The following TMC1 variants were observed in gnomAD, a reference collection of about 807,000 sequenced individuals.
TMC1 encodes transmembrane channel-like protein 1.
TMC1 carries 84 observed loss-of-function variants against 105.8 expected under a neutral mutation model. The observed-to-expected ratio is 0.79, with a 90% CI of 0.67 to 0.95. The LOEUF (loss-of-function observed/expected upper bound fraction) is 0.95. Among genes scored for constraint, TMC1 ranks in the 40% least tolerant of loss-of-function variants. The pLI is 0.00. For synonymous variants in TMC1, 315 were observed against 311.5 expected, an observed-to-expected ratio of 1.01 and a Z score of -0.12; for missense variants, 817 against 914.1, an observed-to-expected ratio of 0.89 and a Z score of 1.37.
At chr9:72,689,494 T>C (rs62560382) in intron 6 of TMC1, among the ~76,000 whole-genome samples, 1,876 of 152,114 alleles carry the variant, frequency 0.012, 14 homozygotes, top group South Asian at 0.024. Context: ...TGTTTCCTTA[T>C]TGATTTTCTG....
intron 8 of TMC1, among the ~76,000 whole-genome samples, chr9:72,723,015 G>A (rs946111051): frequency 1.2e-4 from 19 of 152,036 alleles, no homozygotes; most frequent in Non-Finnish European, 2.1e-4. Context: ...TGAAAGCAGA[G>A]GTTAAAGTAA....
chr9:72,628,753 T>C (rs1825397044), intron 4 of TMC1, among the ~76,000 whole-genome samples: 1 of 152,218 alleles, frequency 6.6e-6, no homozygotes, highest in Non-Finnish European at 1.5e-5. Context: ...ACCAGATAAT[T>C]GGATCATGTG....
chr9:72,836,077 C>T lies in TMC1; in HGVS notation c.*104C>T. 7.6e-7 allele frequency: 1 copy of T among 1,313,522 alleles called. No individual in the cohort carries two copies. The highest frequency in any genetic ancestry group is 1.2e-5 in the South Asian group (1 of 85,232). 81.4% of individuals were successfully genotyped at this position (1,313,522 alleles called of 1,614,324 possible). ...CAAGCACTGTGGAACTGCTATTTTCCTGTTCTACCCTTGATGGATTTTCAA... is the reference window on the plus strand; with the variant it reads ...CAAGCACTGTGGAACTGCTATTTTCTTGTTCTACCCTTGATGGATTTTCAA... On this transcript the variant is annotated 3_prime_UTR_variant, in exon 24 of 24. Coordinates refer to ENST00000297784, the MANE Select transcript of TMC1 (RefSeq NM_138691.3).
chr9:72,754,074 T>A (rs1827631451), intron 11 of TMC1, among the ~76,000 whole-genome samples: 1 of 152,118 alleles, frequency 6.6e-6, no homozygotes, highest in African/African-American at 2.4e-5. Context: ...GAAGTTTCCA[T>A]CTCACAGAAG....
chr9:72,831,473 A>G (rs1829039852), intron 23 of TMC1, among the ~76,000 whole-genome samples: 1 of 152,042 alleles, frequency 6.6e-6, no homozygotes, highest in African/African-American at 2.4e-5. Context: ...GTTCTAGGGT[A>G]CATGTGCACA....
intron 15 of TMC1, among the ~76,000 whole-genome samples, chr9:72,789,526 G>A (rs1828229524): frequency 6.6e-6 from 1 of 152,022 alleles, no homozygotes; most frequent in African/African-American, 2.4e-5. Flanking sequence ...GTGACATGAT[G>A]GAAAGTTAGA....
intron 12 of TMC1, among the ~76,000 whole-genome samples, chr9:72,755,605 G>C (rs1588067741): frequency 6.6e-6 from 1 of 152,166 alleles, no homozygotes; most frequent in Admixed American, 6.5e-5. Context: ...TCAAGTCTTC[G>C]ACAACAATGT....
chr9:72,549,606 CTAT>C (rs1253078819), intron 1 of TMC1, among the ~76,000 whole-genome samples: 3 of 118,586 alleles, frequency 2.5e-5, no homozygotes, highest in African/African-American at 3.7e-5. Context: ...CCACATCTGG[CTAT>C]TTTTTTTTTT....
At chr9:72,729,579 TA>T (rs1279257262) in intron 8 of TMC1, among the ~76,000 whole-genome samples, 2 of 152,128 alleles carry the variant, frequency 1.3e-5, no homozygotes, top group Non-Finnish European at 2.9e-5. Flanking sequence ...TATAATATAG[TA>T]GCTTTTTAGC....
chr9:72,754,898 C>CCAATACACTTGTGTGGAG lies in TMC1; in HGVS notation c.741+14_741+15insCAATACACTTGTGTGGAG. ...TACGACTTCAATGTAAGTGTCTCCA[C>CCAATACACTTGTGTGGAG]ACAAGTGTATTGGTGGGAGGATGGA... On this transcript the variant is annotated intron_variant, in intron 12 of 23. Coordinates refer to ENST00000297784, the MANE Select transcript of TMC1 (RefSeq NM_138691.3). 6.3e-7 allele frequency: 1 copy of CCAATACACTTGTGTGGAG among 1,593,182 alleles called. No homozygotes were observed. Among genetic ancestry groups the CCAATACACTTGTGTGGAG allele is most frequent in the Non-Finnish European group, 8.6e-7 (1 of 1,160,916 alleles).
At chr9:72,806,213 G>A (rs1408343517) in intron 18 of TMC1, among the ~76,000 whole-genome samples, 12 of 132,154 alleles carry the variant, frequency 9.1e-5, no homozygotes, top group African/African-American at 2.5e-4. Context: ...GCGGCTGGCC[G>A]GGCAGGGGGC....
chr9:72,786,622 A>T (rs564003185), intron 13 of TMC1, among the ~76,000 whole-genome samples: 1 of 152,294 alleles, frequency 6.6e-6, no homozygotes, highest in South Asian at 2.1e-4. Flanking sequence ...AGTTTTCATA[A>T]ATTTGTATAC....
intron 10 of TMC1, among the ~76,000 whole-genome samples, chr9:72,751,552 A>G (rs546560624): frequency 2.0e-5 from 3 of 152,362 alleles, no homozygotes; most frequent in African/African-American, 7.2e-5. Flanking sequence ...GGTGGCAATC[A>G]TGGCTGCTCA....
chr9:72,550,765 T>C (rs1823849108), intron 1 of TMC1, among the ~76,000 whole-genome samples: 1 of 151,636 alleles, frequency 6.6e-6, no homozygotes, highest in Non-Finnish European at 1.5e-5. Flanking sequence ...TTCTTCCCTC[T>C]CCCAAGATGT....
chr9:72,814,846 A>G (rs546393181), intron 18 of TMC1, among the ~76,000 whole-genome samples: 1 of 151,072 alleles, frequency 6.6e-6, no homozygotes, highest in South Asian at 2.1e-4. Flanking sequence ...TTACAAATAT[A>G]TTTTTGAGTT....
chr9:72,527,938 C>T (rs1252824525), intron 1 of TMC1, among the ~76,000 whole-genome samples: 1 of 152,156 alleles, frequency 6.6e-6, no homozygotes, highest in East Asian at 1.9e-4. Context: ...CCATGTCTTT[C>T]AGTGTTCCTG....
intron 3 of TMC1, among the ~76,000 whole-genome samples, chr9:72,625,899 A>T (rs1825339119): frequency 6.6e-6 from 1 of 152,120 alleles, no homozygotes; most frequent in South Asian, 2.1e-4. Context: ...GTTCTATAAG[A>T]TTGTATATGT....
chr9:72,597,439 G>C (rs368626189), intron 2 of TMC1, among the ~76,000 whole-genome samples: 61 of 152,306 alleles, frequency 4.0e-4, no homozygotes, highest in African/African-American at 1.4e-3. Context: ...GGTACCTGCT[G>C]TTCACCTTCC....
chr9:72,549,270 G>T lies in TMC1; in HGVS notation c.-428+27357G>T, dbSNP rs559646828. On this transcript the variant is annotated intron_variant, in intron 1 of 23. Transcript: ENST00000297784. ...CTGTTCTTTATTCATTAATTTTTTT[G>T]TGTGTGTGTGAGAATGGAGTTTCAC... Among the ~76,000 whole-genome samples, 580 of 151,820 alleles carry T rather than the reference G, an allele frequency of 3.8e-3. 2 individuals are homozygous for T. The highest frequency in any genetic ancestry group is 0.013 in the African/African-American group (521 of 41,406).
Sources: gnomAD v4.1 joint callset for allele counts (sites outside exome capture counted in the v4.1 genomes callset) on GRCh38, gnomAD v4.1.1 for gene constraint, MANE v1.5 for transcripts, NCBI Gene and HGNC (gene_info 2026-07-23, HGNC 2026-07-21) for gene names.